SUSD6: variants seen among roughly 807,000 people sequenced by gnomAD.
SUSD6 encodes the protein sushi domain containing 6.
SUSD6 carries 16 observed loss-of-function variants against 28.4 expected under a neutral mutation model. The observed-to-expected ratio is 0.56, with a 90% CI of 0.38 to 0.86. The LOEUF is 0.86. SUSD6 is among the 40% of genes least tolerant of loss of function. SUSD6 has a pLI of 0.00. For synonymous variants in SUSD6, 147 were observed against 159.6 expected (o/e 0.92, Z 0.59); for missense variants, 341 against 384.2 (o/e 0.89, Z 0.94).
At chr14:69,628,760 G>T (rs1885152473) in intron 1 of SUSD6, among the ~76,000 whole-genome samples, 2 of 134,370 alleles carry the variant, frequency 1.5e-5, no homozygotes, top group Non-Finnish European at 1.5e-5. Context: ...TCACTCTGTT[G>T]TCCAGGCTGG....
In SUSD6 at chr14:69,681,382, A is replaced by G. The variant is rs953458838; in HGVS notation, c.122-22013A>G. ...GCAGCCTAAAAAAATAAAACTTTAT[A>G]AACCCTGGACATCTGTTAGACATGC... is the stretch of plus-strand genomic sequence containing the variant. On this transcript the variant is annotated intron_variant, in intron 2 of 5. Coordinates refer to ENST00000342745, the MANE Select transcript of SUSD6 (RefSeq NM_014734.4). Among the ~76,000 whole-genome samples, 9 of 152,222 alleles carry G rather than the reference A, an allele frequency of 5.9e-5. No individual in the cohort carries two copies. The East Asian group carries it at 1.7e-3, about 29-fold the overall frequency.
chr14:69,693,488 C>G (rs371954116), intron 2 of SUSD6, among the ~76,000 whole-genome samples: 4 of 152,168 alleles, frequency 2.6e-5, no homozygotes, highest in Admixed American at 1.3e-4. Context: ...ACAACACCCC[C>G]CAAAGTGCTT....
chr14:69,665,679 G>A (rs1457905013), intron 2 of SUSD6, among the ~76,000 whole-genome samples: 3 of 152,194 alleles, frequency 2.0e-5, no homozygotes, highest in African/African-American at 7.2e-5. Context: ...CTCTCATGGA[G>A]CCACTGAGAT....
At chr14:69,696,024 T>A (rs933263924) in intron 2 of SUSD6, among the ~76,000 whole-genome samples, 2 of 152,254 alleles carry the variant, frequency 1.3e-5, no homozygotes, top group African/African-American at 4.8e-5. Context: ...TAACTCTTTC[T>A]TTTATATGCT....
At chr14:69,627,403 C>T (rs942756829) in intron 1 of SUSD6, among the ~76,000 whole-genome samples, 4 of 152,194 alleles carry the variant, frequency 2.6e-5, no homozygotes, top group Admixed American at 2.6e-4. Flanking sequence ...CTTTTAGGGA[C>T]ATACTGTAGG....
chr14:69,680,239 G>A (rs982220518), intron 2 of SUSD6, among the ~76,000 whole-genome samples: 8 of 152,114 alleles, frequency 5.3e-5, no homozygotes, highest in African/African-American at 1.9e-4. Context: ...AGTTTCCACT[G>A]GATACTTGAG....
At chr14:69,704,160 A>G (rs1019331076) in intron 3 of SUSD6, among the ~76,000 whole-genome samples, 1 of 152,236 alleles carries the variant, frequency 6.6e-6, no homozygotes, top group Non-Finnish European at 1.5e-5. Context: ...AAAGCTGTGG[A>G]TCTTAAGACA....
intron 1 of SUSD6, among the ~76,000 whole-genome samples, chr14:69,635,595 CCA>C (rs3048696): frequency 0.054 from 7,727 of 143,424 alleles, 333 homozygotes; most frequent in East Asian, 0.12. Context: ...CCAAGGCACA[CCA>C]CACACACACA....
intron 2 of SUSD6, among the ~76,000 whole-genome samples, chr14:69,667,765 A>T (rs1339221559): frequency 6.6e-6 from 1 of 151,800 alleles, no homozygotes; most frequent in Non-Finnish European, 1.5e-5. Context: ...TATACCTCTC[A>T]CACACCTCTC....
chr14:69,658,824 C>A, intron 2 of SUSD6, 111 bp downstream of exon 2: 2 of 1,415,748 alleles, frequency 1.4e-6, no homozygotes, highest in South Asian at 1.2e-5. Context: ...TCAGGGAGAG[C>A]AGAGGGTGGA....
intron 2 of SUSD6, among the ~76,000 whole-genome samples, chr14:69,686,140 A>G (rs1886069615): frequency 6.6e-6 from 1 of 152,252 alleles, no homozygotes; most frequent in Non-Finnish European, 1.5e-5. Flanking sequence ...AATGTGCCAG[A>G]AGTAAGAAAT....
chr14:69,710,279 G>T (rs1346233136), intron 5 of SUSD6, among the ~76,000 whole-genome samples: 1 of 152,164 alleles, frequency 6.6e-6, no homozygotes, highest in Non-Finnish European at 1.5e-5. Context: ...ATTTTGAGAG[G>T]CCATCTTGTG....
chr14:69,711,215 C>G lies in SUSD6; in HGVS notation c.*236C>G, dbSNP rs1354078345. On this transcript the variant is annotated 3_prime_UTR_variant, in exon 6 of 6. Coordinates refer to ENST00000342745, the MANE Select transcript of SUSD6 (RefSeq NM_014734.4). ...CTGGCTCTTTGCCTGGCCCCGCCTT[C>G]CCATCTGTCAGAGACATATTTGAAT... is the stretch of plus-strand genomic sequence containing the variant. 1 of 577,606 alleles carries G rather than the reference C, an allele frequency of 1.7e-6. No individual in the cohort carries two copies. The highest frequency in any genetic ancestry group is 3.1e-6 in the Non-Finnish European group (1 of 323,380). 35.8% of individuals were successfully genotyped at this position (577,606 alleles called of 1,614,324 possible). A position where few individuals can be genotyped will look rare whatever the true frequency, so the allele number is the denominator to read the frequency against.
At chr14:69,682,418 T>G (rs1354774158) in intron 2 of SUSD6, among the ~76,000 whole-genome samples, 1 of 152,202 alleles carries the variant, frequency 6.6e-6, no homozygotes, top group Middle Eastern at 3.2e-3. Flanking sequence ...GGTACCAATT[T>G]TCTCATTCTG....
intron 2 of SUSD6, among the ~76,000 whole-genome samples, chr14:69,701,625 G>GT (rs1245372356): frequency 1.3e-5 from 2 of 152,112 alleles, no homozygotes; most frequent in African/African-American, 4.8e-5. Flanking sequence ...CAGAAGGAGT[G>GT]TTTGCGTTTT....
At chr14:69,625,558 G>A (rs557425887) in intron 1 of SUSD6, among the ~76,000 whole-genome samples, 3 of 152,204 alleles carry the variant, frequency 2.0e-5, no homozygotes, top group Non-Finnish European at 2.9e-5. Context: ...CCAGGACTGC[G>A]GATGTGAAGC....
intron 1 of SUSD6, among the ~76,000 whole-genome samples, chr14:69,623,484 A>C (rs1885071434): frequency 6.6e-6 from 1 of 152,206 alleles, no homozygotes; most frequent in African/African-American, 2.4e-5. Context: ...ACTTGATGAT[A>C]ATAACAGTGT....
At chr14:69,672,848 C>T (rs1409016447) in intron 2 of SUSD6, among the ~76,000 whole-genome samples, 1 of 152,264 alleles carries the variant, frequency 6.6e-6, no homozygotes, top group Non-Finnish European at 1.5e-5. Context: ...CCACCTGTGT[C>T]CCTTCCGAAG....
intron 4 of SUSD6, among the ~76,000 whole-genome samples, chr14:69,707,775 A>G (rs74597440): frequency 0.029 from 4,423 of 152,328 alleles, 85 homozygotes; most frequent in Middle Eastern, 0.068. Context: ...TTAATTAAAA[A>G]AAAATATATG....
Sources: allele counts gnomAD v4.1 joint callset (sites outside exome capture counted in the v4.1 genomes callset), GRCh38; gene constraint gnomAD v4.1.1; transcripts MANE v1.5; gene names NCBI Gene and HGNC (gene_info 2026-07-23, HGNC 2026-07-21).